The following ZMAT4 variants were observed in gnomAD, a reference collection of about 807,000 sequenced individuals.
The protein encoded by ZMAT4 is zinc finger matrin-type protein 4.
ZMAT4 carries 17 observed loss-of-function variants against 28.7 expected under a neutral mutation model. The ratio of observed to expected loss-of-function variants is 0.59; its 90% CI spans 0.41 to 0.89. The LOEUF is 0.89. Ranked by LOEUF, ZMAT4 falls within the 40% of genes least tolerant of loss-of-function variation. The pLI, the probability that ZMAT4 is intolerant of heterozygous loss-of-function variation, is 0.00. For missense variants in ZMAT4, 240 were observed against 283.8 expected (o/e 0.85, Z 1.11); for synonymous variants, 117 against 109.2 (o/e 1.07, Z -0.44).
chr8:40,696,257 A>C (rs543811952), intron 4 of ZMAT4, among the ~76,000 whole-genome samples: 1 of 152,342 alleles, frequency 6.6e-6, no homozygotes, highest in South Asian at 2.1e-4. Context: ...GTGATTCTCT[A>C]GGTAAAAGAA....
chr8:40,535,133 G>A (rs771787289), intron 6 of ZMAT4, among the ~76,000 whole-genome samples: 21 of 152,136 alleles, frequency 1.4e-4, no homozygotes, highest in African/African-American at 3.9e-4. Flanking sequence ...GGAATGTGGC[G>A]CGACATAGAA....
At chr8:40,698,499 A>C (rs543467085) in intron 3 of ZMAT4, among the ~76,000 whole-genome samples, 36 of 152,296 alleles carry the variant, frequency 2.4e-4, no homozygotes, top group African/African-American at 7.5e-4. Flanking sequence ...GTTAAAGAGC[A>C]AGCTGGAATG....
At chr8:40,752,137 C>T (rs1316086868) in intron 3 of ZMAT4, among the ~76,000 whole-genome samples, 1 of 152,168 alleles carries the variant, frequency 6.6e-6, no homozygotes, top group East Asian at 1.9e-4. Flanking sequence ...CTTCCTCATT[C>T]CCCCAGGAAG....
chr8:40,567,754 T>C (rs778429851), intron 6 of ZMAT4, among the ~76,000 whole-genome samples: 4 of 151,978 alleles, frequency 2.6e-5, no homozygotes, highest in Middle Eastern at 3.2e-3. Flanking sequence ...TTAAAATGTT[T>C]ATCACTAAAT....
At chr8:40,541,649 T>C (rs1055722984) in intron 6 of ZMAT4, among the ~76,000 whole-genome samples, 1 of 152,146 alleles carries the variant, frequency 6.6e-6, no homozygotes, top group Non-Finnish European at 1.5e-5. Context: ...CTAGTGTCAC[T>C]GAAAGTGTCT....
At chr8:40,896,993 A>T (rs1479237761) in intron 1 of ZMAT4, among the ~76,000 whole-genome samples, 1 of 143,772 alleles carries the variant, frequency 7.0e-6, no homozygotes. Context: ...TTTTTTCAGG[A>T]TACCCCAAGC....
chr8:40,756,369 A>T (rs546577727), intron 3 of ZMAT4, among the ~76,000 whole-genome samples: 194 of 143,836 alleles, frequency 1.3e-3, no homozygotes, highest in Non-Finnish European at 2.3e-3. Flanking sequence ...ACACTTATCA[A>T]AATTATAAAT....
chr8:40,661,796 C>T (rs1808208254), intron 5 of ZMAT4, among the ~76,000 whole-genome samples: 1 of 152,128 alleles, frequency 6.6e-6, no homozygotes, highest in Non-Finnish European at 1.5e-5. Context: ...TGCTGAGCTC[C>T]TGCAAAATAC....
At chr8:40,697,790 C>T (rs910582554) in intron 3 of ZMAT4, among the ~76,000 whole-genome samples, 3 of 147,536 alleles carry the variant, frequency 2.0e-5, no homozygotes, top group African/African-American at 7.5e-5. Flanking sequence ...CAGTGACTGA[C>T]TTTGACATAC....
chr8:40,665,483 C>A (rs1808373611), intron 5 of ZMAT4, among the ~76,000 whole-genome samples: 1 of 152,114 alleles, frequency 6.6e-6, no homozygotes. Context: ...CCTCTCTCAC[C>A]CAGGCCCCCA....
intron 3 of ZMAT4, among the ~76,000 whole-genome samples, chr8:40,750,242 C>A (rs1812401696): frequency 6.6e-6 from 1 of 152,006 alleles, no homozygotes. Context: ...TGAACCTAAA[C>A]AAAGCCAAAC....
intron 1 of ZMAT4, among the ~76,000 whole-genome samples, chr8:40,875,018 C>T (rs368406639): frequency 4.5e-4 from 69 of 152,282 alleles, no homozygotes; most frequent in African/African-American, 1.6e-3. Context: ...ATATGCTGGC[C>T]AGTCCTCCAC....
chr8:40,638,454 T>C (rs1437506735), intron 5 of ZMAT4, among the ~76,000 whole-genome samples: 1 of 152,222 alleles, frequency 6.6e-6, no homozygotes. Context: ...AAGTAAGGGT[T>C]AAAAGCCACC....
At chr8:40,619,555 C>T (rs1806126218) in intron 5 of ZMAT4, among the ~76,000 whole-genome samples, 1 of 152,096 alleles carries the variant, frequency 6.6e-6, no homozygotes, top group Non-Finnish European at 1.5e-5. Context: ...GCACTGTTGG[C>T]AAGCAGGCAG....
At chr8:40,609,733 A>T (rs920276986) in intron 5 of ZMAT4, among the ~76,000 whole-genome samples, 3 of 152,082 alleles carry the variant, frequency 2.0e-5, no homozygotes, top group African/African-American at 7.2e-5. Flanking sequence ...TTGATGGAAA[A>T]CTGATCCAGG....
intron 6 of ZMAT4, among the ~76,000 whole-genome samples, chr8:40,572,833 G>A (rs934333604): frequency 8.5e-5 from 13 of 152,144 alleles, no homozygotes; most frequent in African/African-American, 1.7e-4. Context: ...GCCCCAAAAT[G>A]TAAAAGACCG....
At chr8:40,657,293 T>C (rs998690588) in intron 5 of ZMAT4, among the ~76,000 whole-genome samples, 7 of 152,208 alleles carry the variant, frequency 4.6e-5, no homozygotes, top group Admixed American at 2.6e-4. Flanking sequence ...TTTTTGAAGA[T>C]CTGATTTTTC....
At chr8:40,580,374 T>C (rs181083921) in intron 6 of ZMAT4, among the ~76,000 whole-genome samples, 3 of 152,274 alleles carry the variant, frequency 2.0e-5, no homozygotes, top group Admixed American at 2.0e-4. Flanking sequence ...TCTCGACAAA[T>C]GTTTGTTAAA....
intron 2 of ZMAT4, among the ~76,000 whole-genome samples, chr8:40,820,808 T>TCAG (rs1815763438): frequency 0.12 from 68 of 582 alleles, no homozygotes; most frequent in African/African-American, 0.25. Context: ...TATATATGTG[T>TCAG]GGGTGTGTGT....
Sources: allele counts gnomAD v4.1 joint callset (sites outside exome capture counted in the v4.1 genomes callset), GRCh38; gene constraint gnomAD v4.1.1; transcripts MANE v1.5; gene names NCBI Gene and HGNC (gene_info 2026-07-23, HGNC 2026-07-21).